MAD1L1: variants seen among roughly 807,000 people sequenced by gnomAD.
MAD1L1 encodes the protein mitotic arrest deficient 1 like 1, also known as mitotic spindle assembly checkpoint protein MAD1.
Under a neutral mutation model 96.9 loss-of-function variants are expected in MAD1L1, and 95 were observed. That is an observed-to-expected ratio of 0.98 (90% CI 0.83 to 1.16). The LOEUF is 1.16. Ranked by LOEUF, MAD1L1 falls within the 50% of genes most tolerant of loss-of-function variation. The probability of loss-of-function intolerance (pLI) is 0.00; values close to 1 mark genes in which losing one functional copy is unlikely to be tolerated. For synonymous variants in MAD1L1, 473 were observed against 396.6 expected, an observed-to-expected ratio of 1.19 and a Z score of -2.29; for missense variants, 1,007 against 954.4, an observed-to-expected ratio of 1.06 and a Z score of -0.73.
At chr7:1,940,957 TCCCCCCGCAGGC>T (rs1778939275) in intron 16 of MAD1L1, among the ~76,000 whole-genome samples, 1 of 151,066 alleles carries the variant, frequency 6.6e-6, no homozygotes, top group Non-Finnish European at 1.5e-5. Flanking sequence ...CTCCTCTTCC[TCCCCCCGCAGGC>T]CTCACCCTCC....
intron 17 of MAD1L1, among the ~76,000 whole-genome samples, chr7:1,914,372 C>T (rs1429176515): frequency 6.6e-6 from 1 of 152,228 alleles, no homozygotes; most frequent in Non-Finnish European, 1.5e-5. Context: ...GCTACAATCA[C>T]GCGGGTCTTC....
chr7:2,126,437 C>T (rs3800916), intron 11 of MAD1L1, among the ~76,000 whole-genome samples: 46,837 of 152,112 alleles, frequency 0.31, 8,355 homozygotes, highest in East Asian at 0.51. Context: ...CCAGCCTGGA[C>T]CCCAGGAGCC....
chr7:2,076,852 G>A (rs1785398597), intron 11 of MAD1L1, among the ~76,000 whole-genome samples: 1 of 151,556 alleles, frequency 6.6e-6, no homozygotes, highest in African/African-American at 2.4e-5. Context: ...GCCTGAGACG[G>A]TTACAACATG....
intron 11 of MAD1L1, among the ~76,000 whole-genome samples, chr7:2,075,264 C>A (rs912707258): frequency 1.3e-4 from 20 of 152,176 alleles, no homozygotes; most frequent in Admixed American, 9.8e-4. Context: ...TTTCAGACAC[C>A]GCCAACAAGT....
chr7:2,217,855 C>T, intron 7 of MAD1L1, 107 bp downstream of exon 7: 2 of 940,334 alleles, frequency 2.1e-6, no homozygotes, highest in Non-Finnish European at 3.4e-6. Context: ...CAGCTAACCT[C>T]ACAGAAGGAC....
At chr7:2,028,163 C>A (rs1206511451) in intron 12 of MAD1L1, among the ~76,000 whole-genome samples, 1 of 152,066 alleles carries the variant, frequency 6.6e-6, no homozygotes, top group Admixed American at 6.5e-5. Flanking sequence ...CGGTGACTCA[C>A]GCCTGTAATC....
chr7:1,838,591 C>T (rs117616482), intron 18 of MAD1L1: 4,709 of 368,454 alleles, frequency 0.013, 61 homozygotes, highest in Middle Eastern at 0.044. Flanking sequence ...AGACCACTCG[C>T]CGCTGAGCCC....
At chr7:1,865,987 C>G (rs140171315) in intron 18 of MAD1L1, among the ~76,000 whole-genome samples, 515 of 152,340 alleles carry the variant, frequency 3.4e-3, no homozygotes, top group Admixed American at 3.8e-3. Context: ...CGTGATGCGC[C>G]CCAGGGGAGG....
chr7:2,000,404 C>T (rs536897639), intron 14 of MAD1L1, among the ~76,000 whole-genome samples: 1 of 152,178 alleles, frequency 6.6e-6, no homozygotes, highest in South Asian at 2.1e-4. Flanking sequence ...TGTGTCACCA[C>T]CTCCTCCACC....
chr7:2,057,655 C>T (rs1400444853), intron 12 of MAD1L1, among the ~76,000 whole-genome samples: 1 of 152,136 alleles, frequency 6.6e-6, no homozygotes, highest in Non-Finnish European at 1.5e-5. Flanking sequence ...GCGTTAAATC[C>T]TGCTGGAAGG....
At chr7:2,074,801 C>T (rs2128533731) in intron 11 of MAD1L1, among the ~76,000 whole-genome samples, 1 of 152,302 alleles carries the variant, frequency 6.6e-6, no homozygotes, top group African/African-American at 2.4e-5. Flanking sequence ...AACCAGCAAG[C>T]AGGTGCCTCC....
Position 1,957,660 on chromosome 7 carries a change from A to C in MAD1L1, c.1565T>G (p.Leu522Arg). 6.2e-7 allele frequency: 1 copy of C among 1,614,066 alleles called. No individual in the cohort carries two copies. The highest frequency in any genetic ancestry group is 8.5e-7 in the Non-Finnish European group (1 of 1,180,022). ...AGCTCGCCGCTCCAGCTGTGCCTCC[A>C]GCATCCTCTTTTCCTCCTCCAGCCG... ...RSRLEEEKRM[L>R]EAQLERRALQ... The change falls in exon 16 of 19, where the codon CTG (leucine) becomes CGG (arginine). Residue 522 changes from leucine to arginine, a missense_variant. Coordinates refer to ENST00000265854, the MANE Select transcript of MAD1L1 (RefSeq NM_001013836.2).
intron 10 of MAD1L1, among the ~76,000 whole-genome samples, chr7:2,180,951 G>C (rs576579464): frequency 4.3e-4 from 66 of 152,278 alleles, no homozygotes; most frequent in African/African-American, 1.4e-3. Context: ...AGTGGAGAAA[G>C]CACGTATCCT....
intron 11 of MAD1L1, among the ~76,000 whole-genome samples, chr7:2,115,419 G>A (rs1253172005): frequency 1.3e-5 from 2 of 148,808 alleles, no homozygotes; most frequent in African/African-American, 5.0e-5. Flanking sequence ...CGTGTTCTGG[G>A]GTCAGAGGAG....
At chr7:2,168,586 C>T (rs1790550864) in intron 10 of MAD1L1, among the ~76,000 whole-genome samples, 1 of 152,222 alleles carries the variant, frequency 6.6e-6, no homozygotes, top group African/African-American at 2.4e-5. Flanking sequence ...AGGAAGGGAC[C>T]AGGAGACCTC....
rs1789287053 is a variant in MAD1L1, at chr7:2,146,129, C to G, written c.1073+3023G>C. ...CTTCTAAAAGCCAAGCTCCTGAAAA[C>G]AGGCACACGAATGACCCAGCCGTCA... is the stretch of plus-strand genomic sequence containing the variant. On this transcript the variant is annotated intron_variant, in intron 11 of 18. Coordinates refer to ENST00000265854, the MANE Select transcript of MAD1L1 (RefSeq NM_001013836.2). This position sits in a 1 kb window ranked among gnomAD's most constrained non-coding sequence, Gnocchi z 6.2. 6.6e-6 allele frequency among the ~76,000 whole-genome samples: 1 copy of G among 152,244 alleles called. No individual in the cohort carries two copies. Among genetic ancestry groups the G allele is most frequent in the African/African-American group, 2.4e-5 (1 of 41,472 alleles).
intron 12 of MAD1L1, among the ~76,000 whole-genome samples, chr7:2,061,652 C>A (rs769355228): frequency 6.6e-6 from 1 of 152,256 alleles, no homozygotes; most frequent in Non-Finnish European, 1.5e-5. Flanking sequence ...CTATGCCACA[C>A]CTGGGCATGC....
At chr7:1,845,419 C>G (rs925219950) in intron 18 of MAD1L1, 1 of 152,152 alleles carries the variant, frequency 6.6e-6, no homozygotes, top group Non-Finnish European at 1.5e-5. Flanking sequence ...AGACACGCGT[C>G]GGACTCTGGT....
chr7:1,936,416 T>C (rs1242336836), intron 17 of MAD1L1, among the ~76,000 whole-genome samples: 1 of 152,140 alleles, frequency 6.6e-6, no homozygotes, highest in African/African-American at 2.4e-5. Flanking sequence ...TGATACGAAT[T>C]AGTTTAAGGG....
Sources: allele counts gnomAD v4.1 joint callset (sites outside exome capture counted in the v4.1 genomes callset), GRCh38; gene constraint gnomAD v4.1.1; non-coding constraint Gnocchi (gnomAD v3.1); transcripts MANE v1.5; gene names NCBI Gene and HGNC (gene_info 2026-07-23, HGNC 2026-07-21).